Variants in PDGFD observed in about 807,000 individuals in gnomAD.
PDGFD encodes platelet derived growth factor D, also known as platelet-derived growth factor D.
A neutral mutation model predicts 44.7 loss-of-function variants in PDGFD; 30 were observed. The observed-to-expected ratio is 0.67, with a 90% confidence interval of 0.50 to 0.91. The LOEUF (loss-of-function observed/expected upper bound fraction) is 0.91, where lower values mean the gene tolerates loss of function less well. Among genes scored for constraint, PDGFD ranks in the 40% least tolerant of loss-of-function variants. The probability of loss-of-function intolerance (pLI) is 0.00; values close to 1 mark genes in which losing one functional copy is unlikely to be tolerated. For missense variants in PDGFD, 445 were observed against 457.8 expected (o/e 0.97, Z 0.25); for synonymous variants, 173 against 168.4 (o/e 1.03, Z -0.21).
intron 1 of PDGFD, among the ~76,000 whole-genome samples, chr11:104,100,420 G>A (rs1050632821): frequency 4.6e-5 from 7 of 152,166 alleles, no homozygotes; most frequent in African/African-American, 1.4e-4. Context: ...CCAGGAAGAA[G>A]TTGAATCTCT....
intron 5 of PDGFD, among the ~76,000 whole-genome samples, chr11:103,934,818 G>C (rs59158377): frequency 0.026 from 3,883 of 152,148 alleles, 173 homozygotes; most frequent in African/African-American, 0.089. Context: ...GGGGATTATG[G>C]GGATTGCAAT....
intron 1 of PDGFD, among the ~76,000 whole-genome samples, chr11:104,144,543 A>AAAAACCCAACCAAC (rs1565347760): frequency 2.8e-5 from 4 of 142,740 alleles, no homozygotes; most frequent in Non-Finnish European, 4.5e-5. Context: ...ACAAAACAAA[A>AAAAACCCAACCAAC]CAAACAAACA....
At chr11:103,958,702 C>T (rs1858892303) in intron 3 of PDGFD, among the ~76,000 whole-genome samples, 1 of 152,104 alleles carries the variant, frequency 6.6e-6, no homozygotes, top group African/African-American at 2.4e-5. Flanking sequence ...CATTTCACGC[C>T]TCTGTGCTGA....
chr11:104,144,184 T>C (rs1050526233), intron 1 of PDGFD, among the ~76,000 whole-genome samples: 4 of 152,138 alleles, frequency 2.6e-5, no homozygotes, highest in African/African-American at 9.7e-5. Flanking sequence ...AGGAAAAACC[T>C]CAGAATCTCA....
intron 3 of PDGFD, among the ~76,000 whole-genome samples, chr11:103,948,261 G>A (rs1858692109): frequency 6.6e-6 from 1 of 152,110 alleles, no homozygotes; most frequent in South Asian, 2.1e-4. Flanking sequence ...AACTTCCAAG[G>A]GGTTGTTCCT....
chr11:104,136,574 T>A (rs138221750), intron 1 of PDGFD, among the ~76,000 whole-genome samples: 47 of 152,344 alleles, frequency 3.1e-4, no homozygotes, highest in African/African-American at 1.1e-3. Context: ...CCTGAGGGAT[T>A]TCTGCTTGAT....
chr11:103,968,702 T>C (rs916185954), intron 3 of PDGFD, among the ~76,000 whole-genome samples: 4 of 152,210 alleles, frequency 2.6e-5, no homozygotes, highest in African/African-American at 9.6e-5. Context: ...AGAGCTGTAG[T>C]CGCCTTCCAT....
intron 1 of PDGFD, among the ~76,000 whole-genome samples, chr11:104,098,322 G>A (rs892930814): frequency 1.3e-5 from 2 of 152,044 alleles, no homozygotes; most frequent in African/African-American, 4.8e-5. Flanking sequence ...AGAAACCTGG[G>A]CTTTCCAGAA....
At chr11:103,923,929 C>T (rs1256161284) in intron 6 of PDGFD, among the ~76,000 whole-genome samples, 1 of 152,090 alleles carries the variant, frequency 6.6e-6, no homozygotes, top group Non-Finnish European at 1.5e-5. Flanking sequence ...TCAAAGGATG[C>T]CAATGTTTCA....
chr11:103,917,978 G>A (rs943412224), intron 6 of PDGFD, among the ~76,000 whole-genome samples: 3 of 152,126 alleles, frequency 2.0e-5, no homozygotes, highest in African/African-American at 4.8e-5. Context: ...TTCCATAGAC[G>A]GTCCAGTGAG....
At chr11:104,067,025 C>G (rs913654896) in intron 1 of PDGFD, among the ~76,000 whole-genome samples, 1 of 152,148 alleles carries the variant, frequency 6.6e-6, no homozygotes, top group Non-Finnish European at 1.5e-5. Flanking sequence ...GACTGTTATA[C>G]GAAGATGACC....
chr11:104,108,907 TG>T (rs1861506950), intron 1 of PDGFD, among the ~76,000 whole-genome samples: 1 of 152,126 alleles, frequency 6.6e-6, no homozygotes, highest in Non-Finnish European at 1.5e-5. Flanking sequence ...TGTAGGGACA[TG>T]GATGAAGCTG....
intron 1 of PDGFD, among the ~76,000 whole-genome samples, chr11:104,144,543 A>AC (rs1199699901): frequency 0.037 from 5,177 of 139,882 alleles, 175 homozygotes; most frequent in Non-Finnish European, 0.055. Context: ...ACAAAACAAA[A>AC]CAAACAAACA....
intron 1 of PDGFD, among the ~76,000 whole-genome samples, chr11:104,061,565 G>A (rs1383505705): frequency 1.3e-5 from 2 of 152,128 alleles, no homozygotes; most frequent in Non-Finnish European, 2.9e-5. Context: ...TACAGTGTGT[G>A]TATGTTTGAT....
intron 1 of PDGFD, among the ~76,000 whole-genome samples, chr11:104,003,703 T>TA: frequency 6.6e-6 from 1 of 152,302 alleles, no homozygotes; most frequent in East Asian, 1.9e-4. Flanking sequence ...AGTGGAAACT[T>TA]AGCAGGCTTT....
At chr11:103,998,526 T>C (rs192975293) in intron 2 of PDGFD, among the ~76,000 whole-genome samples, 1 of 152,354 alleles carries the variant, frequency 6.6e-6, no homozygotes, top group East Asian at 1.9e-4. Flanking sequence ...TTTCCATACA[T>C]CTTGCCTATG....
intron 1 of PDGFD, among the ~76,000 whole-genome samples, chr11:104,025,504 T>C (rs368131750): frequency 2.4e-4 from 37 of 152,246 alleles, no homozygotes; most frequent in African/African-American, 8.2e-4. Flanking sequence ...GAAGGTGACA[T>C]TGAGACAAGG....
intron 1 of PDGFD, among the ~76,000 whole-genome samples, chr11:104,111,139 T>C (rs1241521539): frequency 6.6e-6 from 1 of 152,066 alleles, no homozygotes; most frequent in South Asian, 2.1e-4. Context: ...CCTAACAGAC[T>C]CATAGTTTAT....
chr11:103,968,677 T>TTTCTCAA (rs1252200480), intron 3 of PDGFD, among the ~76,000 whole-genome samples: 6 of 152,308 alleles, frequency 3.9e-5, no homozygotes, highest in African/African-American at 1.4e-4. Flanking sequence ...ATAAACAGTC[T>TTTCTCAA]TTCTCAATTC....
Sources: gnomAD v4.1 joint callset for allele counts (sites outside exome capture counted in the v4.1 genomes callset) on GRCh38, gnomAD v4.1.1 for gene constraint, MANE v1.5 for transcripts, NCBI Gene and HGNC (gene_info 2026-07-23, HGNC 2026-07-21) for gene names.